The following ZNF43 variants were observed in gnomAD, a reference collection of about 807,000 sequenced individuals.
The protein encoded by ZNF43 is zinc finger protein 43, also known as zinc finger protein 39-like 1 (KOX 27).
A neutral mutation model predicts 68.4 loss-of-function variants in ZNF43; 44 were observed. That is an observed-to-expected ratio of 0.64 (90% CI 0.51 to 0.83). The LOEUF (loss-of-function observed/expected upper bound fraction) is 0.83. Ranked by LOEUF, ZNF43 falls within the 40% of genes least tolerant of loss-of-function variation. The pLI is 0.00. For missense variants in ZNF43, 896 were observed against 933.2 expected, an observed-to-expected ratio of 0.96 and a Z score of 0.52; for synonymous variants, 308 against 307.8, an observed-to-expected ratio of 1.00 and a Z score of -0.01.
intron 1 of ZNF43, among the ~76,000 whole-genome samples, chr19:21,829,064 A>T (rs1021844664): frequency 7.2e-6 from 1 of 138,852 alleles, no homozygotes; most frequent in African/African-American, 2.7e-5. Flanking sequence ...AAAAAAAAAA[A>T]ATTAGCCGGA....
Position 21,816,742 on chromosome 19 carries a change from C to G in ZNF43, c.229+1146G>C, listed in dbSNP as rs1214104690. On this transcript the variant is annotated intron_variant, in intron 3 of 3. Coordinates refer to ENST00000354959, the MANE Select transcript of ZNF43 (RefSeq NM_003423.4). The stretch of plus-strand genomic sequence containing the variant: ...TTACCTGGGGAAATCCTCTCTGGTA[C>G]TCAGTGAAAACCGCACTCATCCACA... Among the ~76,000 whole-genome samples the G allele has an allele frequency of 6.6e-5, 10 of 152,262 alleles. No individual in the cohort carries two copies. In the East Asian group the frequency reaches 1.4e-3, roughly 21 times the overall value.
At chr19:21,814,505 G>A (rs2037429145) in intron 3 of ZNF43, among the ~76,000 whole-genome samples, 1 of 151,814 alleles carries the variant, frequency 6.6e-6, no homozygotes, top group African/African-American at 2.4e-5. Context: ...CACTTCCCGG[G>A]TTTGAGCGAT....
rs372706184 is a variant in ZNF43 at position 21,818,085 on chromosome 19, A to C, written c.131-99T>G. ...ATGAAGGGTGTGATAGAATATCCTAATCATTAATCCCAAAATACTAATTTT... is the reference window on the plus strand; with the variant it reads ...ATGAAGGGTGTGATAGAATATCCTACTCATTAATCCCAAAATACTAATTTT... On this transcript the variant is annotated intron_variant, in intron 2 of 3. Coordinates refer to ENST00000354959, the MANE Select transcript of ZNF43 (RefSeq NM_003423.4). 6 of 1,269,798 alleles carry C rather than the reference A, an allele frequency of 4.7e-6. No individual in the cohort carries two copies. The East Asian group carries it at 1.5e-4, about 32-fold the overall frequency. 78.7% of individuals were successfully genotyped at this position (1,269,798 alleles called of 1,614,324 possible). A position where few individuals can be genotyped will look rare whatever the true frequency, so the allele number is the denominator to read the frequency against.
chr19:21,808,880 G>A lies in ZNF43; in HGVS notation c.1157C>T (p.Thr386Ile), dbSNP rs193182605. 2 of 1,613,768 alleles carry A rather than the reference G, an allele frequency of 1.2e-6. No homozygotes were observed. Among genetic ancestry groups the A allele is most frequent in the Admixed American group, 1.7e-5 (1 of 59,986 alleles). The part of the protein sequence containing the change: ...GEAFSRSSNL[T>I]KHKKIHTEKK... ...TTCAGTATGAATTTTCTTATGTTTA[G>A]TAAGGTTTGAGGACCGGCTAAAAGC... Residue 386 changes from threonine (T) to isoleucine (I), a missense_variant, in exon 4 of 4, where the codon ACT becomes ATT. Coordinates refer to ENST00000354959, the MANE Select transcript of ZNF43 (RefSeq NM_003423.4).
chr19:21,809,768 T>C lies in ZNF43; in HGVS notation c.269A>G (p.Gln90Arg). 2 of 1,587,734 alleles carry C rather than the reference T, an allele frequency of 1.3e-6. No homozygotes were observed. Among genetic ancestry groups the C allele is most frequent in the Non-Finnish European group, 1.7e-6 (2 of 1,171,722 alleles). Residue 90 changes from glutamine to arginine, a missense_variant, in exon 4 of 4, where the codon CAG (glutamine) becomes CGG (arginine). By Grantham distance (43) the Gln-to-Arg change is conservative. Coordinates refer to ENST00000354959, the MANE Select transcript of ZNF43 (RefSeq NM_003423.4). ...SHFTQDFWPEQHIKDPFQKAT... is the reference protein window; with the variant it reads ...SHFTQDFWPERHIKDPFQKAT... ...TTTTTGGAAAGGATCTTTTATATGC[T>C]GCTCTGGCCAAAAGTCTTGGGTAAA...
chr19:21,833,050 G>GT (rs2145326696), intron 1 of ZNF43, among the ~76,000 whole-genome samples: 1 of 152,250 alleles, frequency 6.6e-6, no homozygotes, highest in African/African-American at 2.4e-5. Context: ...ATGAATCTGT[G>GT]TAACTCACCA....
At chr19:21,851,565 TAAC>T (rs1968368317) in intron 1 of ZNF43, among the ~76,000 whole-genome samples, 1 of 138,300 alleles carries the variant, frequency 7.2e-6, no homozygotes, top group Non-Finnish European at 1.5e-5. Context: ...AAAAAAAAAT[TAAC>T]AACAGAAACT....
At chr19:21,838,678 G>A (rs1367527206), upstream of ZNF43, among the ~76,000 whole-genome samples, 2 of 152,122 alleles carry the variant, frequency 1.3e-5, no homozygotes, top group South Asian at 2.1e-4. Flanking sequence ...GGGATTACAG[G>A]AGTAAGCCAC....
chr19:21,821,091 T>C (rs1435216227), intron 1 of ZNF43, among the ~76,000 whole-genome samples: 3 of 151,176 alleles, frequency 2.0e-5, no homozygotes, highest in African/African-American at 7.3e-5. Context: ...CACCTCGGCC[T>C]CTCAAAGTGG....
intron 1 of ZNF43, among the ~76,000 whole-genome samples, chr19:21,832,093 A>G (rs976709215): frequency 2.6e-5 from 4 of 152,218 alleles, no homozygotes; most frequent in African/African-American, 9.6e-5. Context: ...CTAAACAAAA[A>G]GAACAAAACT....
chr19:21,847,607 G>C (rs1968046538), intron 1 of ZNF43, among the ~76,000 whole-genome samples: 1 of 151,900 alleles, frequency 6.6e-6, no homozygotes, highest in South Asian at 2.1e-4. Flanking sequence ...CAACGCAGAA[G>C]AATCACTTGA....
At chr19:21,831,963 G>C (rs1307646665) in intron 1 of ZNF43, among the ~76,000 whole-genome samples, 1 of 152,184 alleles carries the variant, frequency 6.6e-6, no homozygotes, top group African/African-American at 2.4e-5. Flanking sequence ...ACTGCCCAAA[G>C]AAATGTACAG....
intron 3 of ZNF43, among the ~76,000 whole-genome samples, chr19:21,813,371 A>G (rs1338201166): frequency 6.6e-6 from 1 of 152,200 alleles, no homozygotes; most frequent in Non-Finnish European, 1.5e-5. Context: ...ATGAACATCC[A>G]TATTTTTTGT....
intron 1 of ZNF43, 51 bp downstream of exon 1, chr19:21,835,985 G>A (rs774923968): frequency 6.2e-7 from 1 of 1,612,866 alleles, no homozygotes; most frequent in East Asian, 2.2e-5. Flanking sequence ...GAAGGCCTGA[G>A]TCACGCCACA....
intron 1 of ZNF43, among the ~76,000 whole-genome samples, chr19:21,832,749 C>CAGCTACTCAGGAGGCTGGGGG: frequency 6.6e-6 from 1 of 152,120 alleles, no homozygotes; most frequent in East Asian, 1.9e-4. Flanking sequence ...CCTGTAATCC[C>CAGCTACTCAGGAGGCTGGGGG]AGCTACTCAG....
chr19:21,851,841 G>C, intron 1 of ZNF43: 32 of 1,507,030 alleles, frequency 2.1e-5, no homozygotes, highest in Non-Finnish European at 2.8e-5. Context: ...ACTGTGAGGA[G>C]GCCGGTCCCG....
chr19:21,847,822 G>A (rs182096587), intron 1 of ZNF43, among the ~76,000 whole-genome samples: 1 of 152,116 alleles, frequency 6.6e-6, no homozygotes, highest in Admixed American at 6.6e-5. Flanking sequence ...CCAACAATAT[G>A]TAACAATTTC....
At chr19:21,820,806 T>C (rs561079265) in intron 1 of ZNF43, among the ~76,000 whole-genome samples, 23 of 151,358 alleles carry the variant, frequency 1.5e-4, no homozygotes, top group Admixed American at 2.6e-4. Flanking sequence ...AAGTTCAAGA[T>C]ACAGATGTCT....
At chr19:21,832,577 A>G (rs2038473259) in intron 1 of ZNF43, among the ~76,000 whole-genome samples, 1 of 152,200 alleles carries the variant, frequency 6.6e-6, no homozygotes, top group Non-Finnish European at 1.5e-5. Flanking sequence ...GAAAACTATG[A>G]ACAGACTAAC....
Sources: allele counts gnomAD v4.1 joint callset (sites outside exome capture counted in the v4.1 genomes callset), GRCh38; gene constraint gnomAD v4.1.1; transcripts MANE v1.5; gene names NCBI Gene and HGNC (gene_info 2026-07-23, HGNC 2026-07-21).